ABCG5: variants seen among roughly 807,000 people sequenced by gnomAD.
ABCG5 encodes the protein ATP-binding cassette sub-family G member 5.
A neutral mutation model predicts 64.5 loss-of-function variants in ABCG5; 64 were observed. The observed-to-expected ratio is 0.99, with a 90% CI of 0.81 to 1.22. The LOEUF is 1.22. ABCG5 is among the 50% of genes most tolerant of loss of function. ABCG5 has a pLI of 0.00. For missense variants in ABCG5, 908 were observed against 829.5 expected, an observed-to-expected ratio of 1.09 and a Z score of -1.16; for synonymous variants, 385 against 326.3, an observed-to-expected ratio of 1.18 and a Z score of -1.94.
chr2:43,831,674 AG>A, intron 4 of ABCG5, 94 bp downstream of exon 4: 4 of 1,259,388 alleles, frequency 3.2e-6, no homozygotes, highest in Non-Finnish European at 4.5e-6. Context: ...TGACGAGCAA[AG>A]GGAAGGAATG....
chr2:43,832,881 C>T (rs888033469), intron 2 of ABCG5, among the ~76,000 whole-genome samples: 2 of 152,216 alleles, frequency 1.3e-5, no homozygotes, highest in Non-Finnish European at 2.9e-5. Flanking sequence ...ACAATCTCAG[C>T]ACACTGCAAC....
downstream of ABCG5, chr2:43,810,579 C>T (rs771773765): frequency 6.6e-5 from 61 of 931,212 alleles, no homozygotes; most frequent in Non-Finnish European, 7.3e-5. Context: ...TCCATGTCCA[C>T]ATACAAAATA....
At position 43,820,065 on chromosome 2, in the gene ABCG5, C is replaced by T; in HGVS notation, c.1499G>A (p.Gly500Glu). Residue 500 changes from glycine to glutamate, a missense_variant, in exon 11 of 13, where the codon GGA (glycine) becomes GAA (glutamate). Coordinates refer to ENST00000405322, the MANE Select transcript of ABCG5 (RefSeq NM_022436.3). ...LGLHPEVARFGYFSAALLAPH... is the reference protein window; with the variant it reads ...LGLHPEVARFEYFSAALLAPH... ...GGCCAAGAGAGCAGCAGAAAAATAT[C>T]CAAATCGGGCAACCTCAGGATGTAA... The T allele has an allele frequency of 6.2e-7, 1 of 1,614,100 alleles. No homozygotes were observed. Among genetic ancestry groups the T allele is most frequent in the Non-Finnish European group, 8.5e-7 (1 of 1,180,016 alleles).
rs751112708 is a variant in ABCG5 at position 43,813,232 on chromosome 2, G to A, written c.1840C>T (p.Pro614Ser). ...QGIQFIEKTC[P>S]GATSRFTMNF... ...ATTGTGAATCTAGATGTTGCACCTG[G>A]GCAGGTTTTCTCAATGAATTGAATT... Residue 614 changes from proline to serine, a missense_variant, in exon 13 of 13, where the codon CCA (proline) becomes TCA (serine). Pro to Ser is a moderately conservative substitution (Grantham distance 74, BLOSUM62 -1). Transcript: ENST00000405322. 1 of 1,613,712 alleles carries A rather than the reference G, an allele frequency of 6.2e-7. No individual in the cohort carries two copies. The highest frequency in any genetic ancestry group is 8.5e-7 in the Non-Finnish European group (1 of 1,179,722).
chr2:43,824,935 G>A lies in ABCG5; in HGVS notation c.858C>T (p.Asp286=), dbSNP rs1667497143. ...AATGTTCAGGACAAGGGTAACCGCAGTCATTGAAGAAATCAAGCATTTCCG... is the reference window on the plus strand; with the variant it reads ...AATGTTCAGGACAAGGGTAACCGCAATCATTGAAGAAATCAAGCATTTCCG... The part of the protein sequence containing the change: ...TPAEMLDFFN[D]CGYPCPEHSN... Residue 286 remains aspartate, a synonymous_variant, in exon 7 of 13, where the codon GAC becomes GAT. Coordinates refer to ENST00000405322, the MANE Select transcript of ABCG5 (RefSeq NM_022436.3). 6.2e-7 allele frequency: 1 copy of A among 1,613,966 alleles called. No individual in the cohort carries two copies.
intron 4 of ABCG5, among the ~76,000 whole-genome samples, chr2:43,830,210 A>T (rs887397868): frequency 7.9e-5 from 12 of 152,194 alleles, no homozygotes; most frequent in Non-Finnish European, 1.5e-4. Flanking sequence ...GCTCTCCCAC[A>T]TTTTGGAAAC....
At chr2:43,835,585 T>A (rs1668211991) in intron 2 of ABCG5, among the ~76,000 whole-genome samples, 1 of 152,196 alleles carries the variant, frequency 6.6e-6, no homozygotes, top group African/African-American at 2.4e-5. Flanking sequence ...ATAGTCTCAA[T>A]GTTTATGTCT....
chr2:43,832,146 C>G, intron 2 of ABCG5, 63 bp from the exon 3 acceptor site: 2 of 1,551,200 alleles, frequency 1.3e-6, no homozygotes, highest in Non-Finnish European at 1.7e-6. Flanking sequence ...AGGAGCTTCC[C>G]GAGACCCTCT....
intron 11 of ABCG5, among the ~76,000 whole-genome samples, chr2:43,819,385 T>A (rs927189191): frequency 1.3e-5 from 2 of 152,126 alleles, no homozygotes; most frequent in South Asian, 2.1e-4. Context: ...ATATCACTAT[T>A]GATATTGATT....
In ABCG5 at chr2:43,828,090, C is replaced by T. The variant is rs1044946422; in HGVS notation, c.527G>A (p.Ser176Asn). The T allele has an allele frequency of 5.0e-6, 8 of 1,613,968 alleles. No individual in the cohort carries two copies. The highest frequency in any genetic ancestry group is 6.8e-6 in the Non-Finnish European group (8 of 1,180,032). Residue 176 changes from serine to asparagine, a missense_variant, in exon 5 of 13, where the codon AGT becomes AAT. Transcript: ENST00000405322. The part of the protein sequence containing the change: ...KKVEAVMAEL[S>N]LSHVADRLIG... Reference sequence around the variant, plus strand: ...CAGTCGGTCTGCCACATGGCTCAGACTCAGCTCTGCCATGACGGCCTCCAC... The same window carrying T: ...CAGTCGGTCTGCCACATGGCTCAGATTCAGCTCTGCCATGACGGCCTCCAC...
chr2:43,809,835 A>T, downstream of ABCG5: 1 of 1,533,408 alleles, frequency 6.5e-7, no homozygotes, highest in Non-Finnish European at 8.8e-7. Context: ...CTGTGAATTA[A>T]CTATTGTGGC....
chr2:43,808,964 TACACACACACACACAC>T (rs56090427), downstream of ABCG5, among the ~76,000 whole-genome samples: 4 of 145,574 alleles, frequency 2.7e-5, no homozygotes, highest in Admixed American at 6.9e-5. Flanking sequence ...GGACAAAGGA[TACACACACACACACAC>T]ACACACACAC....
downstream of ABCG5, among the ~76,000 whole-genome samples, chr2:43,811,525 A>G (rs1335277443): frequency 6.6e-6 from 1 of 152,170 alleles, no homozygotes; most frequent in Non-Finnish European, 1.5e-5. Context: ...ACACTGAGAC[A>G]GTTTCATTTC....
rs1666559723 is a variant in ABCG5, at chr2:43,812,972, C to G, written c.*144G>C. The G allele has an allele frequency of 1.5e-6, 1 of 673,660 alleles. No homozygotes were observed. Among genetic ancestry groups the G allele is most frequent in the Non-Finnish European group, 2.7e-6 (1 of 367,412 alleles). 41.7% of individuals were successfully genotyped at this position (673,660 alleles called of 1,614,324 possible). On this transcript the variant is annotated 3_prime_UTR_variant, in exon 13 of 13. Transcript: ENST00000405322. ...ATTGCATTCAAGGCCTGCTTGGATC[C>G]AAGAGGCACAAATGGAGTCTTAATG...
intron 7 of ABCG5, 52 bp downstream of exon 7, chr2:43,824,837 A>T (rs377465364): frequency 6.2e-7 from 1 of 1,607,838 alleles, no homozygotes. Context: ...GAAGTCTGAG[A>T]TGAGAAAGTT....
chr2:43,810,017 T>G, downstream of ABCG5: 1 of 1,042,982 alleles, frequency 9.6e-7, no homozygotes, highest in Non-Finnish European at 1.2e-6. Flanking sequence ...CTAACATGTT[T>G]AAGTGGTATA....
rs1025773000 is a variant in ABCG5, at chr2:43,835,333, A to G, written c.265+2501T>C. Among the ~76,000 whole-genome samples, 4 of 152,140 alleles carry G rather than the reference A, an allele frequency of 2.6e-5. No homozygotes were observed. In the South Asian group the frequency reaches 6.2e-4, roughly 24 times the overall value. ...CTTGTTGTTCTTAGAAGTGGGACAC[A>G]CTTCTGAGAAGGGTGCTAAATGCCA... On this transcript the variant is annotated intron_variant, in intron 2 of 12. Coordinates refer to ENST00000405322, the MANE Select transcript of ABCG5 (RefSeq NM_022436.3).
chr2:43,820,519 C>T (rs1667121620), intron 10 of ABCG5, among the ~76,000 whole-genome samples: 1 of 152,164 alleles, frequency 6.6e-6, no homozygotes, highest in South Asian at 2.1e-4. Context: ...CTTCCCTGAA[C>T]CTCATCTCTG....
intron 9 of ABCG5, 29 bp from the exon 10 acceptor site, chr2:43,822,964 G>C: frequency 1.9e-6 from 3 of 1,612,552 alleles, no homozygotes; most frequent in Non-Finnish European, 2.5e-6. Flanking sequence ...TTTCAGAACA[G>C]TCAGTCACCA....
Sources: allele counts gnomAD v4.1 joint callset (sites outside exome capture counted in the v4.1 genomes callset), GRCh38; gene constraint gnomAD v4.1.1; transcripts MANE v1.5; gene names NCBI Gene and HGNC (gene_info 2026-07-23, HGNC 2026-07-21).